The following SMYD5 variants were observed in gnomAD, a reference collection of about 807,000 sequenced individuals.
SMYD5 encodes protein-lysine N-trimethyltransferase SMYD5.
In SMYD5, 35 loss-of-function variants were observed where a neutral mutation model predicts 57.4. That is an observed-to-expected ratio of 0.61 (90% CI 0.47 to 0.81). The LOEUF is 0.81. Among genes scored for constraint, SMYD5 ranks in the 30% least tolerant of loss-of-function variants. The pLI, the probability that SMYD5 is intolerant of heterozygous loss-of-function variation, is 0.00. For missense variants in SMYD5, 471 were observed against 527.9 expected (o/e 0.89, Z 1.06); for synonymous variants, 198 against 189.7 (o/e 1.04, Z -0.36).
intron 1 of SMYD5, 134 bp downstream of exon 1, chr2:73,214,496 C>T (rs924919364): frequency 1.8e-5 from 27 of 1,496,636 alleles, no homozygotes; most frequent in Non-Finnish European, 2.0e-5. Flanking sequence ...GCTCGCGGCC[C>T]GGGGGCTCCC....
At chr2:73,223,343 C>T in intron 8 of SMYD5, 83 bp from the exon 9 acceptor site, 1 of 996,548 alleles carries the variant, frequency 1.0e-6, no homozygotes, top group Non-Finnish European at 1.6e-6. Context: ...ACCCTTCTTC[C>T]TGGGCTTAAC....
In SMYD5 at chr2:73,226,170, A is replaced by C. The variant is rs146478021; in HGVS notation, c.*224A>C. Reference sequence around the variant, plus strand: ...GAGTTGGCTCAGACTCTGCACTGGCACTGAGCCTTTCACAACTGGCCTCCC... The same window carrying C: ...GAGTTGGCTCAGACTCTGCACTGGCCCTGAGCCTTTCACAACTGGCCTCCC... On this transcript the variant is annotated 3_prime_UTR_variant, in exon 13 of 13. Coordinates refer to ENST00000389501, the MANE Select transcript of SMYD5 (RefSeq NM_006062.3). The C allele has an allele frequency of 7.6e-3, 4,585 of 599,522 alleles. 35 individuals are homozygous for C. The highest frequency in any genetic ancestry group is 0.011 in the Non-Finnish European group (3,824 of 350,002). The allele number at this position is 599,522 out of a possible 1,614,324, so 37.1% of individuals were successfully genotyped here.
intron 2 of SMYD5, 181 bp from the exon 3 acceptor site, chr2:73,219,870 A>C: frequency 1.3e-6 from 1 of 777,760 alleles, no homozygotes; most frequent in East Asian, 2.6e-5. Flanking sequence ...CTTGGGATGC[A>C]CATGAAATAA....
At position 73,223,548 on chromosome 2, in the gene SMYD5, C is replaced by T. The variant is rs1686440290; in HGVS notation, c.883+16C>T. ...ATCGAGGCAGGTTGGTGAGATAGGG[C>T]CTTGGCCTCACCCAGCCATGGCGAC... is the stretch of plus-strand genomic sequence containing the variant. On this transcript the variant is annotated intron_variant, in intron 9 of 12. Coordinates refer to ENST00000389501, the MANE Select transcript of SMYD5 (RefSeq NM_006062.3). 1 of 1,566,054 alleles carries T rather than the reference C, an allele frequency of 6.4e-7. No individual in the cohort carries two copies. Among genetic ancestry groups the T allele is most frequent in the African/African-American group, 1.4e-5 (1 of 74,062 alleles).
chr2:73,223,979 G>A lies in SMYD5; in HGVS notation c.916G>A (p.Gly306Ser). 6.2e-7 allele frequency: 1 copy of A among 1,614,134 alleles called. No individual in the cohort carries two copies. The highest frequency in any genetic ancestry group is 8.5e-7 in the Non-Finnish European group (1 of 1,179,972). Residue 306 changes from glycine to serine, a missense_variant, in exon 10 of 13, where the codon GGC (glycine) becomes AGC (serine). Coordinates refer to ENST00000389501, the MANE Select transcript of SMYD5 (RefSeq NM_006062.3). Reference protein sequence around the residue: ...TGEFLNCEGSGLFVLQSCCNH... With the variant: ...TGEFLNCEGSSLFVLQSCCNH... The stretch of plus-strand genomic sequence containing the variant: ...AGAGTTTCTTAACTGTGAAGGATCT[G>A]GCCTCTTTGTGCTTCAGAGCTGCTG...
Position 73,223,966 on chromosome 2 carries a change from CTG to C in SMYD5, c.906_907del (p.Cys302Ter), listed in dbSNP as rs1392790956. ...TTACAGCAACTGGAGAGTTTCTTAA[CTG>C]TGAAGGATCTGGCCTCTTTGTGCTT... ...IEAATGEFLN[C>X]EGSGLFVLQS... On this transcript the variant is annotated frameshift_variant, in exon 10 of 13. Transcript: ENST00000389501. LOFTEE classifies it high-confidence loss of function. 6.2e-7 allele frequency: 1 copy of C among 1,613,972 alleles called. No individual in the cohort carries two copies. The highest frequency in any genetic ancestry group is 8.5e-7 in the Non-Finnish European group (1 of 1,179,942).
At chr2:73,217,251 A>T (rs1686308635) in intron 1 of SMYD5, among the ~76,000 whole-genome samples, 1 of 152,166 alleles carries the variant, frequency 6.6e-6, no homozygotes, top group African/African-American at 2.4e-5. Context: ...CGCCCGGCCC[A>T]ACCTTAATAT....
chr2:73,215,618 T>A (rs1042269372), intron 1 of SMYD5, among the ~76,000 whole-genome samples: 3 of 152,196 alleles, frequency 2.0e-5, no homozygotes, highest in African/African-American at 7.2e-5. Flanking sequence ...GCAGTGATAT[T>A]CTTCACCTTT....
intron 1 of SMYD5, among the ~76,000 whole-genome samples, chr2:73,216,002 G>C (rs887440872): frequency 3.9e-5 from 6 of 152,130 alleles, no homozygotes; most frequent in African/African-American, 1.4e-4. Flanking sequence ...ATTCTTTAAA[G>C]GTTTGAGAGA....
At chr2:73,223,866 G>A (rs933488197) in intron 9 of SMYD5, 81 bp from the exon 10 acceptor site, 2 of 1,308,594 alleles carry the variant, frequency 1.5e-6, no homozygotes, top group African/African-American at 2.9e-5. Context: ...AGTGGAGACA[G>A]TGCCTGTCCG....
intron 1 of SMYD5, among the ~76,000 whole-genome samples, chr2:73,217,113 A>G (rs1446375338): frequency 6.6e-6 from 1 of 152,034 alleles, no homozygotes; most frequent in East Asian, 1.9e-4. Flanking sequence ...CACCATGTCC[A>G]GCTAATTTTT....
chr2:73,220,020 A>G, intron 2 of SMYD5, 31 bp from the exon 3 acceptor site: 1 of 1,614,024 alleles, frequency 6.2e-7, no homozygotes, highest in Non-Finnish European at 8.5e-7. Flanking sequence ...TCTGCTCTCA[A>G]GATATTGTTG....
At chr2:73,214,435 G>T in intron 1 of SMYD5, 73 bp downstream of exon 1, 1 of 1,606,882 alleles carries the variant, frequency 6.2e-7, no homozygotes, top group Non-Finnish European at 8.5e-7. Context: ...CGGACTCCAT[G>T]CCCGGAGCCC....
rs180846136 is a variant in SMYD5, at chr2:73,223,887, G to A, written c.884-60G>A. The A allele has an allele frequency of 3.1e-5, 48 of 1,525,910 alleles. No homozygotes were observed. In the East Asian group the frequency reaches 6.5e-4, roughly 21 times the overall value. 94.5% of individuals were successfully genotyped at this position (1,525,910 alleles called of 1,614,324 possible). On this transcript the variant is annotated intron_variant, in intron 9 of 12. Transcript: ENST00000389501. The stretch of plus-strand genomic sequence containing the variant: ...GACAGTGCCTGTCCGTGTAAGCCTC[G>A]TTTCCTTTTCCTGCCTTTAAAAATG...
intron 9 of SMYD5, 118 bp downstream of exon 9, chr2:73,223,650 G>A (rs997644652): frequency 1.3e-6 from 1 of 758,582 alleles, no homozygotes; most frequent in African/African-American, 1.7e-5. Context: ...TAATCCCTTT[G>A]TGCCTGTGGG....
At position 73,214,288 on chromosome 2, in the gene SMYD5, G is replaced by A. The variant is rs906796784; in HGVS notation, c.22G>A (p.Val8Met). 2 of 1,613,780 alleles carry A rather than the reference G, an allele frequency of 1.2e-6. No homozygotes were observed. The highest frequency in any genetic ancestry group is 2.7e-5 in the African/African-American group (2 of 74,916). Residue 8 changes from valine (V) to methionine (M), a missense_variant, in exon 1 of 13, where the codon GTG becomes ATG. Physicochemically the swap from Val to Met is conservative, Grantham distance 21. Transcript: ENST00000389501. MAASMCD[V>M]FSFCVGVAGR... is the part of the protein sequence containing the mutation. Reference sequence around the variant, plus strand: ...CAAGATGGCGGCCTCCATGTGCGACGTGTTCTCCTTCTGCGTGGGCGTGGC... The same window carrying A: ...CAAGATGGCGGCCTCCATGTGCGACATGTTCTCCTTCTGCGTGGGCGTGGC...
At chr2:73,216,642 C>G (rs977430705) in intron 1 of SMYD5, among the ~76,000 whole-genome samples, 1 of 152,164 alleles carries the variant, frequency 6.6e-6, no homozygotes, top group African/African-American at 2.4e-5. Flanking sequence ...TTGCAGTGAG[C>G]TGAGGTCGTG....
At position 73,217,653 on chromosome 2, in the gene SMYD5, T is replaced by C. The variant is rs1040378774; in HGVS notation, c.97-1208T>C. The stretch of plus-strand genomic sequence containing the variant: ...GAGTTGTTCACAGGGTTGAGATTTT[T>C]CGCTCTGAATTTGAGAGGCAACCGT... On this transcript the variant is annotated intron_variant, in intron 1 of 12. Coordinates refer to ENST00000389501, the MANE Select transcript of SMYD5 (RefSeq NM_006062.3). 3.9e-5 allele frequency among the ~76,000 whole-genome samples: 6 copies of C among 152,334 alleles called. No homozygotes were observed. The East Asian group carries it at 1.2e-3, about 29-fold the overall frequency.
chr2:73,220,633 G>C, intron 3 of SMYD5, 28 bp from the exon 4 acceptor site: 1 of 1,613,554 alleles, frequency 6.2e-7, no homozygotes, highest in South Asian at 1.1e-5. Context: ...CCAGATCCTT[G>C]GGTACTGACC....
Sources: allele counts gnomAD v4.1 joint callset (sites outside exome capture counted in the v4.1 genomes callset), GRCh38; gene constraint gnomAD v4.1.1; transcripts MANE v1.5; gene names NCBI Gene and HGNC (gene_info 2026-07-23, HGNC 2026-07-21).